CEP250: variants seen among roughly 807,000 people sequenced by gnomAD.
The protein encoded by CEP250 is centrosomal protein 250.
In CEP250, 242 loss-of-function variants were observed where a neutral mutation model predicts 315.7. The ratio of observed to expected loss-of-function variants is 0.77; its 90% CI spans 0.69 to 0.85. The LOEUF (loss-of-function observed/expected upper bound fraction) is 0.85. Ranked by LOEUF, CEP250 falls within the 40% of genes least tolerant of loss-of-function variation. CEP250 has a pLI of 0.00. For synonymous variants in CEP250, 1,088 were observed against 1,175.0 expected (o/e 0.93, Z 1.51); for missense variants, 2,515 against 2,886.4 (o/e 0.87, Z 2.95).
intron 29 of CEP250, 44 bp from the exon 30 acceptor site, chr20:35,502,346 G>T (rs1392639036): frequency 6.7e-7 from 1 of 1,494,792 alleles, no homozygotes; most frequent in African/African-American, 1.4e-5. Context: ...GGTGACAGTA[G>T]CAGGGAAGTG....
intron 20 of CEP250, among the ~76,000 whole-genome samples, chr20:35,489,577 T>C (rs6060438): frequency 0.32 from 48,753 of 152,040 alleles, 8,695 homozygotes; most frequent in South Asian, 0.5. Context: ...TAGTGGTAGA[T>C]TAAAGATTCT....
At chr20:35,472,319 G>A (rs1026299398) in intron 11 of CEP250, among the ~76,000 whole-genome samples, 168 bp downstream of exon 11, 6 of 152,210 alleles carry the variant, frequency 3.9e-5, no homozygotes, top group African/African-American at 1.2e-4. Context: ...AGATAGCTAA[G>A]CATTCACGTT....
intron 22 of CEP250, among the ~76,000 whole-genome samples, chr20:35,491,895 C>CAA (rs34747030): frequency 0.019 from 1,145 of 61,456 alleles, 38 homozygotes; most frequent in Non-Finnish European, 0.022. Context: ...GAGCGAGTCT[C>CAA]AAAAAAAAAA....
intron 3 of CEP250, among the ~76,000 whole-genome samples, chr20:35,460,965 A>G (rs1020827894): frequency 2.6e-5 from 4 of 152,238 alleles, no homozygotes; most frequent in Admixed American, 2.6e-4. Flanking sequence ...TAGAGTAGAC[A>G]TCAGAACATA....
intron 1 of CEP250, among the ~76,000 whole-genome samples, chr20:35,456,063 T>C (rs2062615654): frequency 6.6e-6 from 1 of 152,138 alleles, no homozygotes; most frequent in Non-Finnish European, 1.5e-5. Flanking sequence ...ACCCGGCTAA[T>C]TTTATGTTTT....
In CEP250 at chr20:35,503,812, A is replaced by AGGGACCAGGAACTGGAGGCTCTGCAGC; in HGVS notation, c.5444_5470dup (p.Arg1815_Gln1823dup). The AGGGACCAGGAACTGGAGGCTCTGCAGC allele has an allele frequency of 6.2e-7, 1 of 1,613,966 alleles. No homozygotes were observed. Among genetic ancestry groups the AGGGACCAGGAACTGGAGGCTCTGCAGC allele is most frequent in the Non-Finnish European group, 8.5e-7 (1 of 1,180,002 alleles). ...TGAGGCCCAGAGAGCCCTAGCCCAGAGGGACCAGGAACTGGAGGCTCTGCA... is the reference window on the plus strand; with the variant it reads ...TGAGGCCCAGAGAGCCCTAGCCCAGAGGGACCAGGAACTGGAGGCTCTGCAGCGGGACCAGGAACTGGAGGCTCTGCA... On this transcript the variant is annotated inframe_insertion, in exon 30 of 35. Transcript: ENST00000397527. The surrounding 1 kb of genome is among the most constrained non-coding windows in gnomAD (Gnocchi z 4.2).
In CEP250 at chr20:35,497,794, C is replaced by G. The variant is rs1163486684; in HGVS notation, c.3382C>G (p.Leu1128Val). 1 of 1,560,530 alleles carries G rather than the reference C, an allele frequency of 6.4e-7. No individual in the cohort carries two copies. Among genetic ancestry groups the G allele is most frequent in the Non-Finnish European group, 8.7e-7 (1 of 1,151,896 alleles). The change falls in exon 26 of 35, where the codon CTG becomes GTG. Residue 1128 changes from leucine (L) to valine (V), a missense_variant. Physicochemically the swap from Leu to Val is conservative, Grantham distance 32. Coordinates refer to ENST00000397527, the MANE Select transcript of CEP250 (RefSeq NM_007186.6). ...LAQEAQLLEE[L>V]EASHITEQQL... Reference sequence around the variant, plus strand: ...CCAGGAAGCACAGCTGCTGGAGGAGCTGGAGGCGTCTCATATCACGGAGCA... The same window carrying G: ...CCAGGAAGCACAGCTGCTGGAGGAGGTGGAGGCGTCTCATATCACGGAGCA...
rs1050604101 is a variant in CEP250, at chr20:35,503,781, A to G, written c.5412A>G (p.Gln1804=). Residue 1804 remains glutamine (Q), a synonymous_variant, in exon 30 of 35, where the codon CAA becomes CAG. Coordinates refer to ENST00000397527, the MANE Select transcript of CEP250 (RefSeq NM_007186.6). This position sits in a 1 kb window ranked among gnomAD's most constrained non-coding sequence, Gnocchi z 4.2. ...TGAAGGAGCAGTCACTTCAGAGTCAACTGGATGAGGCCCAGAGAGCCCTAG... is the reference window on the plus strand; with the variant it reads ...TGAAGGAGCAGTCACTTCAGAGTCAGCTGGATGAGGCCCAGAGAGCCCTAG... ...GELKEQSLQS[Q]LDEAQRALAQ... is the part of the protein sequence containing the mutation. 6.2e-7 allele frequency: 1 copy of G among 1,613,958 alleles called. No homozygotes were observed. The highest frequency in any genetic ancestry group is 1.3e-5 in the African/African-American group (1 of 75,050).
chr20:35,502,999 C>T lies in CEP250; in HGVS notation c.4630C>T (p.Gln1544Ter). Residue 1544 changes from glutamine (Q) to a stop codon, truncating the protein, a stop_gained, in exon 30 of 35, where the codon CAG (glutamine) becomes TAG (stop). Coordinates refer to ENST00000397527, the MANE Select transcript of CEP250 (RefSeq NM_007186.6). LOFTEE classifies it high-confidence loss of function. ...CCAAATGATTGAGTCCCAGAGAGGACAGGTTCAGGACCTGAAAAAGCAGTT... is the reference window on the plus strand; with the variant it reads ...CCAAATGATTGAGTCCCAGAGAGGATAGGTTCAGGACCTGAAAAAGCAGTT... ...KDQMIESQRG[Q>*]VQDLKKQLVT... The T allele has an allele frequency of 1.9e-6, 3 of 1,614,174 alleles. No individual in the cohort carries two copies. The highest frequency in any genetic ancestry group is 1.7e-5 in the Admixed American group (1 of 60,024).
At chr20:35,478,991 G>A in intron 17 of CEP250, among the ~76,000 whole-genome samples, 1 of 152,312 alleles carries the variant, frequency 6.6e-6, no homozygotes, top group East Asian at 1.9e-4. Context: ...AACCTCCTTA[G>A]GGGCAGGTCT....
chr20:35,466,347 G>A (rs766477593), intron 7 of CEP250, 143 bp downstream of exon 7: 34 of 1,001,556 alleles, frequency 3.4e-5, no homozygotes, highest in African/African-American at 4.9e-5. Context: ...CCTTACCTGC[G>A]CATGCTGGCA....
At chr20:35,459,064 C>T (rs2062698265) in intron 2 of CEP250, among the ~76,000 whole-genome samples, 1 of 138,774 alleles carries the variant, frequency 7.2e-6, no homozygotes, top group African/African-American at 2.7e-5. Context: ...CTCCTGACCT[C>T]AAGTGATCCG....
At position 35,503,491 on chromosome 20, in the gene CEP250, G is replaced by T; in HGVS notation, c.5122G>T (p.Glu1708Ter). 1 of 1,614,154 alleles carries T rather than the reference G, an allele frequency of 6.2e-7. No homozygotes were observed. The highest frequency in any genetic ancestry group is 8.5e-7 in the Non-Finnish European group (1 of 1,180,028). ...ELTTQRQLMQ[E>*]RAEEGKGPSK... is the part of the protein sequence containing the mutation. ...GACCACTCAGAGGCAGCTGATGCAG[G>T]AACGGGCAGAGGAAGGGAAGGGCCC... The change falls in exon 30 of 35, where the codon GAA becomes TAA. Residue 1708 changes from glutamate to a stop codon, truncating the protein, a stop_gained. Coordinates refer to ENST00000397527, the MANE Select transcript of CEP250 (RefSeq NM_007186.6). LOFTEE classifies it high-confidence loss of function. The surrounding 1 kb of genome is among the most constrained non-coding windows in gnomAD (Gnocchi z 4.2).
chr20:35,479,866 C>A, intron 19 of CEP250, 93 bp downstream of exon 19: 5 of 1,597,030 alleles, frequency 3.1e-6, no homozygotes, highest in Non-Finnish European at 4.3e-6. Context: ...CCTTCTCCAG[C>A]AGGGTGCAGG....
chr20:35,504,615 A>G lies in CEP250; in HGVS notation c.6246A>G (p.Gln2082=), dbSNP rs1171262924. The change falls in exon 30 of 35, where the codon CAA becomes CAG. Residue 2082 remains glutamine, a synonymous_variant. Coordinates refer to ENST00000397527, the MANE Select transcript of CEP250 (RefSeq NM_007186.6). ...NMIQEKQNLG[Q]EREEEEIRGL... Reference sequence around the variant, plus strand: ...TCCAAGAGAAGCAGAATCTGGGGCAAGAGAGAGAAGAGGAGGAGATAAGGG... The same window carrying G: ...TCCAAGAGAAGCAGAATCTGGGGCAGGAGAGAGAAGAGGAGGAGATAAGGG... 6.2e-7 allele frequency: 1 copy of G among 1,614,156 alleles called. No individual in the cohort carries two copies. The highest frequency in any genetic ancestry group is 8.5e-7 in the Non-Finnish European group (1 of 1,179,996).
chr20:35,501,824 TC>T lies in CEP250; in HGVS notation c.3899-19del. 1 of 1,431,684 alleles carries T rather than the reference TC, an allele frequency of 7.0e-7. No individual in the cohort carries two copies. Among genetic ancestry groups the T allele is most frequent in the East Asian group, 2.6e-5 (1 of 38,542 alleles). The allele number at this position is 1,431,684 out of a possible 1,614,324, so 88.7% of individuals were successfully genotyped here. On this transcript the variant is annotated intron_variant, in intron 28 of 34. Transcript: ENST00000397527. ...GGGTCTTACTCCACTACCTCTCCTC[TC>T]CTCTCCTCTCTTCTCAAAGAGAAAT...
intron 13 of CEP250, 43 bp downstream of exon 13, chr20:35,473,595 C>T (rs371320630): frequency 8.1e-4 from 1,243 of 1,536,522 alleles, no homozygotes; most frequent in Non-Finnish European, 1.0e-3. Context: ...AGCCTGGTCT[C>T]AGTCTCAGTC....
chr20:35,479,183 A>G (rs899547230), intron 17 of CEP250, 48 bp from the exon 18 acceptor site: 4 of 1,577,376 alleles, frequency 2.5e-6, no homozygotes, highest in Non-Finnish European at 3.5e-6. Context: ...TAGCGGCCCC[A>G]GGGGAATCCA....
intron 7 of CEP250, 103 bp downstream of exon 7, chr20:35,466,307 T>G: frequency 3.0e-6 from 4 of 1,337,560 alleles, no homozygotes; most frequent in Non-Finnish European, 4.0e-6. Flanking sequence ...GGATGAAAAC[T>G]GAGCTGTTGC....
Sources: gnomAD v4.1 joint callset for allele counts (sites outside exome capture counted in the v4.1 genomes callset) on GRCh38, gnomAD v4.1.1 for gene constraint, Gnocchi (gnomAD v3.1) non-coding constraint, MANE v1.5 for transcripts, NCBI Gene and HGNC (gene_info 2026-07-23, HGNC 2026-07-21) for gene names.